MYBL2: variants seen among roughly 807,000 people sequenced by gnomAD.
The protein encoded by MYBL2 is MYB proto-oncogene like 2.
A neutral mutation model predicts 79.9 loss-of-function variants in MYBL2; 28 were observed. The observed-to-expected ratio is 0.35, with a 90% CI of 0.26 to 0.48. The LOEUF is 0.48. MYBL2 is among the 20% of genes least tolerant of loss of function. The probability of loss-of-function intolerance (pLI) is 0.99; values close to 1 mark genes in which losing one functional copy is unlikely to be tolerated. For synonymous variants in MYBL2, 378 were observed against 361.2 expected, an observed-to-expected ratio of 1.05 and a Z score of -0.53; for missense variants, 735 against 893.9, an observed-to-expected ratio of 0.82 and a Z score of 2.27.
chr20:43,691,191 A>G lies in MYBL2; in HGVS notation c.501-966A>G, dbSNP rs2145720822. On this transcript the variant is annotated intron_variant, in intron 5 of 13. Coordinates refer to ENST00000217026, the MANE Select transcript of MYBL2 (RefSeq NM_002466.4). ...AGGCCTTGCATCTGAGGTCAGCGTG[A>G]GACTCAGTGGAAATGAGCAGACAGT... Among the ~76,000 whole-genome samples, 3 of 152,318 alleles carry G rather than the reference A, an allele frequency of 2.0e-5. No homozygotes were observed. The South Asian group carries it at 6.2e-4, about 32-fold the overall frequency.
At chr20:43,684,243 T>G (rs1482366179) in intron 4 of MYBL2, among the ~76,000 whole-genome samples, 1 of 151,250 alleles carries the variant, frequency 6.6e-6, no homozygotes, top group Non-Finnish European at 1.5e-5. Flanking sequence ...TTTTTTTCCT[T>G]GTTAATTTTT....
chr20:43,702,795 T>C lies in MYBL2; in HGVS notation c.1257T>C (p.Ala419=), dbSNP rs775466171. 8 of 1,614,086 alleles carry C rather than the reference T, an allele frequency of 5.0e-6. No individual in the cohort carries two copies. The Admixed American group carries it at 5.0e-5, about 10-fold the overall frequency. The stretch of plus-strand genomic sequence containing the variant: ...AGCGGCAGAGGAAGAGGCGTGTGGC[T>C]CTGTCCCCTGTCACTGAGAATAGCA... ...VLKRQRKRRV[A]LSPVTENSTS... Residue 419 remains alanine, a synonymous_variant, in exon 8 of 14, where the codon GCT becomes GCC. Transcript: ENST00000217026.
intron 4 of MYBL2, among the ~76,000 whole-genome samples, chr20:43,683,125 C>T (rs1987182272): frequency 6.6e-6 from 1 of 152,204 alleles, no homozygotes; most frequent in Non-Finnish European, 1.5e-5. Context: ...GATTACTCGG[C>T]TTCTCTTGTT....
intron 1 of MYBL2, among the ~76,000 whole-genome samples, chr20:43,672,841 TTCA>T (rs771548564): frequency 1.4e-4 from 21 of 152,352 alleles, no homozygotes; most frequent in Middle Eastern, 3.4e-3. Flanking sequence ...GCCTGTTAAC[TTCA>T]TCAACTTTAT....
At chr20:43,680,641 C>T (rs1015118382) in intron 2 of MYBL2, among the ~76,000 whole-genome samples, 3 of 151,968 alleles carry the variant, frequency 2.0e-5, no homozygotes, top group African/African-American at 7.3e-5. Context: ...ATTACAGGCA[C>T]CCACCACCAC....
chr20:43,696,749 A>G (rs1481628025), intron 6 of MYBL2, among the ~76,000 whole-genome samples: 2 of 152,218 alleles, frequency 1.3e-5, no homozygotes, highest in African/African-American at 4.8e-5. Flanking sequence ...TTGTTTTTAG[A>G]TGGGGTCTCA....
At chr20:43,700,493 C>CA (rs1987655344) in intron 7 of MYBL2, among the ~76,000 whole-genome samples, 1 of 152,078 alleles carries the variant, frequency 6.6e-6, no homozygotes, top group Non-Finnish European at 1.5e-5. Flanking sequence ...GTGGGGCAGC[C>CA]ATTGAGCCCG....
intron 1 of MYBL2, chr20:43,673,556 G>T: frequency 3.7e-6 from 2 of 542,480 alleles, no homozygotes; most frequent in Non-Finnish European, 7.0e-6. Flanking sequence ...ACGATCATTT[G>T]AGTCCAGGAG....
At chr20:43,702,444 A>G in intron 7 of MYBL2, 46 bp from the exon 8 acceptor site, 6 of 1,534,434 alleles carry the variant, frequency 3.9e-6, no homozygotes, top group Non-Finnish European at 5.3e-6. Context: ...GTCCTCTTGT[A>G]TTAAGAGCAT....
intron 2 of MYBL2, among the ~76,000 whole-genome samples, chr20:43,676,180 A>G (rs934805722): frequency 2.0e-5 from 3 of 152,030 alleles, no homozygotes; most frequent in Admixed American, 6.6e-5. Context: ...CAGCCTCCTG[A>G]AGTGCTGGGA....
chr20:43,715,825 G>A, intron 13 of MYBL2, 134 bp from the exon 14 acceptor site: 1 of 1,238,780 alleles, frequency 8.1e-7, no homozygotes, highest in Non-Finnish European at 1.1e-6. Context: ...CAGGGAATGT[G>A]GAGAGAGAAT....
chr20:43,667,287 T>C lies in MYBL2; in HGVS notation c.4T>C (p.Ser2Pro). Residue 2 changes from serine (S) to proline (P), a missense_variant, in exon 1 of 14, where the codon TCT (serine) becomes CCT (proline). Ser to Pro is a moderately conservative substitution (Grantham distance 74). Around this residue, in one of 5 missense-constraint regions of MYBL2, gnomAD observed 79 missense variants for 86.7 expected, o/e 0.91. Coordinates refer to ENST00000217026, the MANE Select transcript of MYBL2 (RefSeq NM_002466.4). ...CGGCGCGGTCCGGGCCGGGGGGATG[T>C]CTCGGCGGACGCGCTGGTGAGACGA... M[S>P]RRTRCEDLDE... 2 of 1,227,290 alleles carry C rather than the reference T, an allele frequency of 1.6e-6. No individual in the cohort carries two copies. Among genetic ancestry groups the C allele is most frequent in the Non-Finnish European group, 2.0e-6 (2 of 984,964 alleles). The allele number at this position is 1,227,290 out of a possible 1,614,324, so 76.0% of individuals were successfully genotyped here.
chr20:43,693,206 A>G (rs1987454246), intron 6 of MYBL2, among the ~76,000 whole-genome samples: 1 of 151,974 alleles, frequency 6.6e-6, no homozygotes, highest in Admixed American at 6.6e-5. Context: ...TAATTTTTGC[A>G]TTTTTAGTAG....
chr20:43,704,760 T>C (rs1209954491), intron 8 of MYBL2, among the ~76,000 whole-genome samples: 1 of 152,218 alleles, frequency 6.6e-6, no homozygotes, highest in Non-Finnish European at 1.5e-5. Flanking sequence ...GGATTTGTGG[T>C]AACTAATTGA....
intron 1 of MYBL2, 78 bp from the exon 2 acceptor site, chr20:43,673,727 TG>T: frequency 7.2e-7 from 1 of 1,387,196 alleles, no homozygotes; most frequent in Non-Finnish European, 1.0e-6. Context: ...TAGGGTGGGC[TG>T]GCCGCTGCCT....
rs559068786 is a variant in MYBL2, at chr20:43,674,412, A to C, written c.114+513A>C. Reference sequence around the variant, plus strand: ...GCTAATTTTTTTTTTTTTTTGAGACAGTCTCGCTTTGTCACCCAGGCTGGA... The same window carrying C: ...GCTAATTTTTTTTTTTTTTTGAGACCGTCTCGCTTTGTCACCCAGGCTGGA... On this transcript the variant is annotated intron_variant, in intron 2 of 13. Coordinates refer to ENST00000217026, the MANE Select transcript of MYBL2 (RefSeq NM_002466.4). 5.6e-3 allele frequency among the ~76,000 whole-genome samples: 783 copies of C among 139,244 alleles called. 8 individuals are homozygous for C. The highest frequency in any genetic ancestry group is 4.5e-3 in the Non-Finnish European group (290 of 64,804). The allele number at this position is 139,244 out of a possible 152,430, so 91.3% of individuals were successfully genotyped here. A position where few individuals can be genotyped will look rare whatever the true frequency, so the allele number is the denominator to read the frequency against.
At chr20:43,688,909 C>T (rs1033554274) in intron 5 of MYBL2, among the ~76,000 whole-genome samples, 17 of 152,260 alleles carry the variant, frequency 1.1e-4, no homozygotes, top group Admixed American at 7.8e-4. Flanking sequence ...CCTGCCTCAG[C>T]CTCCTGAGTA....
chr20:43,684,974 C>T (rs938605678), intron 4 of MYBL2, among the ~76,000 whole-genome samples: 1 of 151,388 alleles, frequency 6.6e-6, no homozygotes, highest in Admixed American at 6.6e-5. Context: ...TGGCGAAACC[C>T]CGTCTCTACT....
chr20:43,672,740 C>G (rs1046113571), intron 1 of MYBL2, among the ~76,000 whole-genome samples: 3 of 152,122 alleles, frequency 2.0e-5, no homozygotes, highest in Non-Finnish European at 4.4e-5. Flanking sequence ...GAGCCAGACT[C>G]TGTCCCTAAA....
Sources: allele counts gnomAD v4.1 joint callset (sites outside exome capture counted in the v4.1 genomes callset), GRCh38; gene constraint gnomAD v4.1.1; regional missense constraint gnomAD v4.1.1; transcripts MANE v1.5; gene names NCBI Gene and HGNC (gene_info 2026-07-23, HGNC 2026-07-21).